ECT2: variants seen among roughly 807,000 people sequenced by gnomAD.
The protein encoded by ECT2 is epithelial cell transforming 2.
ECT2 carries 61 observed loss-of-function variants against 116.9 expected under a neutral mutation model. The observed-to-expected ratio is 0.52, with a 90% CI of 0.42 to 0.65. ECT2 has a LOEUF of 0.65. Among genes scored for constraint, ECT2 ranks in the 30% least tolerant of loss-of-function variants. The pLI is 0.00. For missense variants in ECT2, 937 were observed against 1,078.7 expected (o/e 0.87, Z 1.84); for synonymous variants, 358 against 346.4 (o/e 1.03, Z -0.37).
chr3:172,758,100 T>C (rs1717430738), intron 5 of ECT2, among the ~76,000 whole-genome samples: 1 of 152,142 alleles, frequency 6.6e-6, no homozygotes, highest in African/African-American at 2.4e-5. Flanking sequence ...CCTCACGTTA[T>C]CTTCCTGCCT....
chr3:172,792,419 A>G (rs533768315), intron 18 of ECT2, among the ~76,000 whole-genome samples: 20 of 149,956 alleles, frequency 1.3e-4, no homozygotes, highest in Admixed American at 1.2e-3. Flanking sequence ...TGCACTTTCT[A>G]TGATTTTATG....
intron 7 of ECT2, among the ~76,000 whole-genome samples, chr3:172,760,972 C>T (rs570863803): frequency 1.2e-4 from 19 of 152,046 alleles, no homozygotes; most frequent in East Asian, 5.8e-4. Flanking sequence ...CTGCCTGCCT[C>T]GGACTCCCAA....
rs140716923 is a variant in ECT2, at chr3:172,768,900, A to G, written c.1292-107A>G. ...TTTTATTGGAAATCTGTATGGTGGTACATTTATAAGAGTAGGTTTTCTCTC... is the reference window on the plus strand; with the variant it reads ...TTTTATTGGAAATCTGTATGGTGGTGCATTTATAAGAGTAGGTTTTCTCTC... On this transcript the variant is annotated intron_variant, in intron 12 of 24. Coordinates refer to ENST00000392692, the MANE Select transcript of ECT2 (RefSeq NM_001258315.2). 4 of 1,261,248 alleles carry G rather than the reference A, an allele frequency of 3.2e-6. No individual in the cohort carries two copies. The African/African-American group carries it at 4.5e-5, about 14-fold the overall frequency. The allele number at this position is 1,261,248 out of a possible 1,614,324, so 78.1% of individuals were successfully genotyped here.
intron 14 of ECT2, among the ~76,000 whole-genome samples, chr3:172,776,191 G>GTTTT (rs1294531373): frequency 1.9e-5 from 2 of 106,982 alleles, no homozygotes; most frequent in East Asian, 2.5e-4. Flanking sequence ...TAGTTTTTCA[G>GTTTT]TTTTTTCTTT....
intron 2 of ECT2, 44 bp from the exon 3 acceptor site, chr3:172,755,251 A>G: frequency 6.8e-7 from 1 of 1,463,076 alleles, no homozygotes; most frequent in Non-Finnish European, 9.3e-7. Context: ...ACTGATTGTG[A>G]TGTTAATACA....
intron 22 of ECT2, among the ~76,000 whole-genome samples, chr3:172,813,295 G>A (rs553258627): frequency 5.2e-4 from 79 of 151,822 alleles, no homozygotes; most frequent in Non-Finnish European, 1.0e-3. Context: ...CCAACTAATA[G>A]TTTAAAGCAA....
At chr3:172,805,194 CAG>C (rs1159750300) in intron 20 of ECT2, among the ~76,000 whole-genome samples, 2 of 149,602 alleles carry the variant, frequency 1.3e-5, no homozygotes, top group African/African-American at 5.1e-5. Flanking sequence ...TTCTTAATGA[CAG>C]ATTATGTTAT....
At chr3:172,800,575 G>A (rs970121743) in intron 18 of ECT2, among the ~76,000 whole-genome samples, 6 of 151,918 alleles carry the variant, frequency 3.9e-5, no homozygotes, top group African/African-American at 1.2e-4. Flanking sequence ...GAAATTTATC[G>A]TTATATTTTA....
At chr3:172,788,662 G>A (rs58600228) in intron 18 of ECT2, among the ~76,000 whole-genome samples, 9,340 of 152,166 alleles carry the variant, frequency 0.061, 966 homozygotes, top group African/African-American at 0.21. Flanking sequence ...TCATTTCTCA[G>A]GGCATATAAA....
At chr3:172,825,713 C>T (rs1730823977), downstream of ECT2, among the ~76,000 whole-genome samples, 1 of 152,094 alleles carries the variant, frequency 6.6e-6, no homozygotes, top group Non-Finnish European at 1.5e-5. Context: ...GAGGTTGGTT[C>T]ATGAGGAAAG....
chr3:172,814,569 C>T (rs1729364510), intron 22 of ECT2, among the ~76,000 whole-genome samples: 2 of 152,220 alleles, frequency 1.3e-5, no homozygotes, highest in African/African-American at 4.8e-5. Context: ...GAAAATCCAA[C>T]CATAATTTGG....
downstream of ECT2, among the ~76,000 whole-genome samples, chr3:172,821,899 A>C (rs1033787133): frequency 6.6e-6 from 1 of 151,824 alleles, no homozygotes; most frequent in Non-Finnish European, 1.5e-5. Flanking sequence ...TTAATTTGAA[A>C]GGGAATGTTT....
intron 24 of ECT2, among the ~76,000 whole-genome samples, chr3:172,817,727 A>T (rs1055423518): frequency 6.6e-6 from 1 of 152,106 alleles, no homozygotes; most frequent in Non-Finnish European, 1.5e-5. Flanking sequence ...TCTGTTCTTT[A>T]TAAAATTATT....
At chr3:172,796,145 G>C (rs1725594757) in intron 18 of ECT2, among the ~76,000 whole-genome samples, 1 of 152,162 alleles carries the variant, frequency 6.6e-6, no homozygotes, top group Non-Finnish European at 1.5e-5. Flanking sequence ...CAAAATGGTT[G>C]TTCCAGTATC....
In ECT2 at chr3:172,760,247, A is replaced by G; in HGVS notation, c.668A>G (p.Gln223Arg). Residue 223 changes from glutamine (Q) to arginine (R), a missense_variant, in exon 7 of 25, where the codon CAA (glutamine) becomes CGA (arginine). By Grantham distance (43) the Gln-to-Arg change is conservative. Transcript: ENST00000392692. ...ACACATTTGGTGGCAAATTGTACAC[A>G]AGGAGAAAAATTCAGGGTATGTAAA... ...KVTHLVANCTQGEKFRVAVSL... is the reference protein window; with the variant it reads ...KVTHLVANCTRGEKFRVAVSL... 1 of 1,609,820 alleles carries G rather than the reference A, an allele frequency of 6.2e-7. No individual in the cohort carries two copies. Among genetic ancestry groups the G allele is most frequent in the South Asian group, 1.1e-5 (1 of 90,512 alleles).
chr3:172,758,486 G>C (rs73173398), intron 5 of ECT2, among the ~76,000 whole-genome samples: 55 of 50,710 alleles, frequency 1.1e-3, no homozygotes, highest in Middle Eastern at 8.9e-3. Context: ...CACACACACA[G>C]ACACACACAC....
intron 23 of ECT2, 88 bp downstream of exon 23, chr3:172,815,799 A>G: frequency 1.2e-6 from 1 of 846,274 alleles, no homozygotes; most frequent in Non-Finnish European, 1.9e-6. Flanking sequence ...CACCAGTATA[A>G]AGATAGTTTA....
chr3:172,802,746 G>T (rs1454620722), intron 19 of ECT2, 52 bp downstream of exon 19: 7 of 1,514,384 alleles, frequency 4.6e-6, no homozygotes, highest in Non-Finnish European at 5.4e-6. Flanking sequence ...TGTTAATGAG[G>T]TTTCTGTGGT....
At chr3:172,786,355 C>A (rs1405826509) in intron 17 of ECT2, 138 bp from the exon 18 acceptor site, 8 of 557,592 alleles carry the variant, frequency 1.4e-5, no homozygotes, top group Non-Finnish European at 2.5e-5. Flanking sequence ...TTTTAGGGAA[C>A]AGTGCTTAAA....
Sources: allele counts gnomAD v4.1 joint callset (sites outside exome capture counted in the v4.1 genomes callset), GRCh38; gene constraint gnomAD v4.1.1; transcripts MANE v1.5; gene names NCBI Gene and HGNC (gene_info 2026-07-23, HGNC 2026-07-21).